TRDN: variants seen among roughly 807,000 people sequenced by gnomAD.
The protein encoded by TRDN is triadin in skeletal muscle.
Under a neutral mutation model 149.7 loss-of-function variants are expected in TRDN, and 161 were observed. The ratio of observed to expected loss-of-function variants is 1.08; its 90% confidence interval spans 0.95 to 1.23. The LOEUF (loss-of-function observed/expected upper bound fraction) is 1.23. Among genes scored for constraint, TRDN ranks in the 50% most tolerant of loss-of-function variants. The pLI is 0.00. For synonymous variants in TRDN, 294 were observed against 250.5 expected (o/e 1.17, Z -1.64); for missense variants, 896 against 823.5 (o/e 1.09, Z -1.08).
intron 38 of TRDN, among the ~76,000 whole-genome samples, chr6:123,232,816 A>G (rs1454206731): frequency 6.6e-6 from 1 of 152,038 alleles, no homozygotes; most frequent in Non-Finnish European, 1.5e-5. Flanking sequence ...AGTTTTAAAC[A>G]TAAAATTTTT....
intron 12 of TRDN, among the ~76,000 whole-genome samples, chr6:123,397,553 G>GA (rs929444092): frequency 3.3e-5 from 5 of 151,688 alleles, no homozygotes; most frequent in South Asian, 4.2e-4. Flanking sequence ...CTATAAAAAT[G>GA]AAAAAAAATC....
At chr6:123,509,417 T>C (rs1779070306) in intron 7 of TRDN, 2 of 152,152 alleles carry the variant, frequency 1.3e-5, no homozygotes, top group Non-Finnish European at 2.9e-5. Flanking sequence ...AAGATTGTAA[T>C]TTCTGTCTTC....
intron 12 of TRDN, among the ~76,000 whole-genome samples, chr6:123,400,975 T>C (rs974825345): frequency 6.6e-6 from 1 of 152,212 alleles, no homozygotes; most frequent in Non-Finnish European, 1.5e-5. Flanking sequence ...GTGTACCTTG[T>C]ATCTCTAACA....
chr6:123,251,810 T>C (rs950471882), intron 38 of TRDN, among the ~76,000 whole-genome samples: 1 of 152,010 alleles, frequency 6.6e-6, no homozygotes, highest in Non-Finnish European at 1.5e-5. Context: ...GATCCTGATA[T>C]TCTAGAGAAT....
chr6:123,326,113 G>A (rs1006822218), intron 23 of TRDN, among the ~76,000 whole-genome samples: 3 of 152,190 alleles, frequency 2.0e-5, no homozygotes, highest in Non-Finnish European at 4.4e-5. Flanking sequence ...TCAATTTTGA[G>A]ACTTAACTTT....
intron 24 of TRDN, among the ~76,000 whole-genome samples, chr6:123,305,836 C>G (rs1315491920): frequency 6.6e-6 from 1 of 152,134 alleles, no homozygotes; most frequent in African/African-American, 2.4e-5. Flanking sequence ...GACAATATCC[C>G]TATCACAACT....
chr6:123,296,886 A>G (rs1778221568), intron 24 of TRDN, among the ~76,000 whole-genome samples: 1 of 152,072 alleles, frequency 6.6e-6, no homozygotes, highest in Non-Finnish European at 1.5e-5. Flanking sequence ...GGTAAACAAG[A>G]ATTGTCTCTG....
intron 24 of TRDN, among the ~76,000 whole-genome samples, chr6:123,281,132 A>G (rs1038969921): frequency 6.6e-6 from 1 of 152,088 alleles, no homozygotes; most frequent in South Asian, 2.1e-4. Flanking sequence ...CAGGCGGAAA[A>G]AAAAGCACAA....
intron 6 of TRDN, among the ~76,000 whole-genome samples, chr6:123,512,652 G>A (rs1441129102): frequency 6.6e-6 from 1 of 152,038 alleles, no homozygotes; most frequent in African/African-American, 2.4e-5. Flanking sequence ...CAAACTGAAA[G>A]GGAAAATTTT....
chr6:123,434,158 G>T (rs1389918533), intron 12 of TRDN: 1 of 152,042 alleles, frequency 6.6e-6, no homozygotes, highest in Non-Finnish European at 1.5e-5. Flanking sequence ...ATAAAGTGTA[G>T]GTGTTCAAAA....
At chr6:123,545,386 C>T (rs1781061349) in intron 4 of TRDN, among the ~76,000 whole-genome samples, 1 of 151,830 alleles carries the variant, frequency 6.6e-6, no homozygotes, top group East Asian at 1.9e-4. Flanking sequence ...ATATTACCTA[C>T]TGCTTTAAAG....
At chr6:123,288,134 A>C (rs1055463570) in intron 24 of TRDN, among the ~76,000 whole-genome samples, 1 of 152,130 alleles carries the variant, frequency 6.6e-6, no homozygotes, top group Non-Finnish European at 1.5e-5. Context: ...AAAAACACAC[A>C]ATAGGAAAAG....
At chr6:123,467,216 AAG>A (rs1211417471) in intron 9 of TRDN, among the ~76,000 whole-genome samples, 1 of 151,940 alleles carries the variant, frequency 6.6e-6, no homozygotes, top group Admixed American at 6.6e-5. Flanking sequence ...ATACTGCAGA[AAG>A]AGTCTTGAAA....
At chr6:123,510,737 G>C (rs1453066574) in intron 7 of TRDN, among the ~76,000 whole-genome samples, 1 of 151,424 alleles carries the variant, frequency 6.6e-6, no homozygotes, top group Non-Finnish European at 1.5e-5. Flanking sequence ...TCTGCGTCCA[G>C]GTTTCAAGGT....
rs1777455647 is a variant in TRDN at position 123,278,421 on chromosome 6, AT to A, written c.1538-75del. 6.5e-6 allele frequency: 6 copies of A among 925,934 alleles called. No individual in the cohort carries two copies. The East Asian group carries it at 2.4e-4, about 38-fold the overall frequency. The allele number at this position is 925,934 out of a possible 1,614,324, so 57.4% of individuals were successfully genotyped here. A position where few individuals can be genotyped will look rare whatever the true frequency, so the allele number is the denominator to read the frequency against. On this transcript the variant is annotated intron_variant, in intron 25 of 40. Coordinates refer to ENST00000334268, the MANE Select transcript of TRDN (RefSeq NM_006073.4). ...ATTTCCTATATACTTGTGCATATTT[AT>A]TTTTATATAATTATTTTCTATGTTA...
chr6:123,591,503 C>G (rs1783779648), intron 1 of TRDN, among the ~76,000 whole-genome samples: 3 of 152,320 alleles, frequency 2.0e-5, no homozygotes, highest in Admixed American at 6.5e-5. Context: ...GTCTCAGCCT[C>G]TCAAAGTGCT....
chr6:123,594,359 A>G (rs112971794), intron 1 of TRDN, among the ~76,000 whole-genome samples: 6,843 of 152,116 alleles, frequency 0.045, 201 homozygotes, highest in Non-Finnish European at 0.058. Context: ...ATATTTGTGG[A>G]TGCCTAATCC....
At chr6:123,485,028 A>G (rs1777915972) in intron 9 of TRDN, among the ~76,000 whole-genome samples, 1 of 152,180 alleles carries the variant, frequency 6.6e-6, no homozygotes, top group South Asian at 2.1e-4. Context: ...AGAATGTTTA[A>G]TGGATTGATT....
At chr6:123,629,717 CAAAG>C (rs1014138656) in intron 1 of TRDN, among the ~76,000 whole-genome samples, 31 of 152,048 alleles carry the variant, frequency 2.0e-4, no homozygotes, top group Middle Eastern at 3.4e-3. Context: ...ATTTACATAC[CAAAG>C]AATCTCTCAC....
Sources: gnomAD v4.1 joint callset for allele counts (sites outside exome capture counted in the v4.1 genomes callset) on GRCh38, gnomAD v4.1.1 for gene constraint, MANE v1.5 for transcripts, NCBI Gene and HGNC (gene_info 2026-07-23, HGNC 2026-07-21) for gene names.